GAB3: variants seen among roughly 807,000 people sequenced by gnomAD.
GAB3 encodes GRB2 associated binding protein 3.
Under a neutral mutation model 40.4 loss-of-function variants are expected in GAB3, and 12 were observed. That is an observed-to-expected ratio of 0.30 (90% confidence interval 0.19 to 0.48). The LOEUF is 0.48. Among genes scored for constraint, GAB3 ranks in the 20% least tolerant of loss-of-function variants. The pLI, the probability that GAB3 is intolerant of heterozygous loss-of-function variation, is 0.99. For synonymous variants in GAB3, 154 were observed against 176.7 expected (o/e 0.87, Z 1.02); for missense variants, 381 against 461.9 (o/e 0.82, Z 1.61).
intron 8 of GAB3, among the ~76,000 whole-genome samples, chrX:154,688,712 T>C (rs2070498987): frequency 8.9e-6 from 1 of 111,900 alleles, no homozygotes; most frequent in African/African-American, 3.2e-5. Flanking sequence ...GGATGGCAAG[T>C]AAACACACCA....
At chrX:154,692,134 A>C (rs1367571845) in intron 8 of GAB3, among the ~76,000 whole-genome samples, 1 of 112,072 alleles carries the variant, frequency 8.9e-6, no homozygotes, top group Admixed American at 9.5e-5. Context: ...TGACGCCAAA[A>C]GCAAGGCAAT....
chrX:154,731,591 C>G (rs1219280608), intron 1 of GAB3, among the ~76,000 whole-genome samples: 4 of 111,759 alleles, frequency 3.6e-5, no homozygotes, highest in Non-Finnish European at 7.5e-5. Context: ...TGTTATGCAT[C>G]TTTTCCCACA....
Position 154,712,321 on chromosome X carries a change from C to T in GAB3, c.977G>A (p.Trp326Ter), listed in dbSNP as rs1557256248. The change falls in exon 4 of 10, where the codon TGG becomes TAG. Residue 326 changes from tryptophan to a stop codon, truncating the protein, a stop_gained. Transcript: ENST00000424127. LOFTEE classifies it high-confidence loss of function. ...CTTCTTGCTACCACTGTGTGTACTC[C>T]ACTCCTCTTGGCGCCGTTCAGACAG... The part of the protein sequence containing the change: ...SHLSERRQEE[W>*]STHSGSKKPE... 1 of 1,211,499 alleles carries T rather than the reference C, an allele frequency of 8.3e-7. No homozygotes were observed.
At chrX:154,683,116 T>C (rs1023427998) in intron 8 of GAB3, among the ~76,000 whole-genome samples, 1 of 112,694 alleles carries the variant, frequency 8.9e-6, no homozygotes, top group Admixed American at 9.4e-5. Flanking sequence ...CTGTTGCTTA[T>C]ACTTACGAGC....
chrX:154,722,765 GAGA>G (rs1467183514), intron 1 of GAB3, among the ~76,000 whole-genome samples: 5 of 112,335 alleles, frequency 4.5e-5, no homozygotes, highest in African/African-American at 6.5e-5. Context: ...TATTTATGGG[GAGA>G]AGAAGGAGGT....
rs1281520036 is a variant in GAB3, at chrX:154,694,282, G to A, written c.1530+1635C>T. Among the ~76,000 whole-genome samples, 4 of 111,918 alleles carry A rather than the reference G, an allele frequency of 3.6e-5. No individual in the cohort carries two copies. The Admixed American group carries it at 3.8e-4, about 11-fold the overall frequency. ...CAGTGTTCTGGGTTCTTAATCTGCT[G>A]TGTCATGTTGCCTACTAATACACAG... is the stretch of plus-strand genomic sequence containing the variant. On this transcript the variant is annotated intron_variant, in intron 8 of 9. Coordinates refer to ENST00000424127, the MANE Select transcript of GAB3 (RefSeq NM_001081573.3).
chrX:154,714,270 A>G (rs2071010376), intron 2 of GAB3, among the ~76,000 whole-genome samples: 1 of 111,911 alleles, frequency 8.9e-6, no homozygotes, highest in South Asian at 3.7e-4. Context: ...AACTAGGTTC[A>G]AGTCCAGGCT....
chrX:154,730,486 T>C (rs1190936249), intron 1 of GAB3, among the ~76,000 whole-genome samples: 1 of 111,897 alleles, frequency 8.9e-6, no homozygotes, highest in Non-Finnish European at 1.9e-5. Flanking sequence ...GGTAACAACT[T>C]AGAGATTTTT....
chrX:154,740,737 T>G (rs1364911965), intron 1 of GAB3, among the ~76,000 whole-genome samples: 1 of 111,928 alleles, frequency 8.9e-6, no homozygotes, highest in Non-Finnish European at 1.9e-5. Context: ...GTCCCTGGCC[T>G]TCCTCTTCAC....
chrX:154,748,302 A>G (rs1348094944), intron 1 of GAB3, among the ~76,000 whole-genome samples: 3 of 111,560 alleles, frequency 2.7e-5, no homozygotes, highest in African/African-American at 9.8e-5. Context: ...GCAAAAAGAA[A>G]ATTATATATT....
chrX:154,707,978 T>C (rs1263187693), intron 4 of GAB3, among the ~76,000 whole-genome samples: 2 of 111,929 alleles, frequency 1.8e-5, no homozygotes, highest in Non-Finnish European at 3.8e-5. Context: ...TAAAACATTA[T>C]ATACACAAAT....
At chrX:154,746,104 C>T (rs1390947205) in intron 1 of GAB3, among the ~76,000 whole-genome samples, 1 of 108,887 alleles carries the variant, frequency 9.2e-6, no homozygotes, top group African/African-American at 3.3e-5. Flanking sequence ...TGATAGCCTT[C>T]CCAAAAAGAA....
intron 4 of GAB3, among the ~76,000 whole-genome samples, chrX:154,709,439 G>C (rs1006896170): frequency 1.1e-4 from 12 of 107,738 alleles, no homozygotes; most frequent in Admixed American, 6.0e-4. Context: ...TCCTGCCTCA[G>C]CCTCCCGAGT....
chrX:154,691,979 T>C (rs1242361784), intron 8 of GAB3, among the ~76,000 whole-genome samples: 5 of 111,769 alleles, frequency 4.5e-5, no homozygotes, highest in Non-Finnish European at 7.5e-5. Flanking sequence ...AAGAATGACG[T>C]TGGCCTCTAA....
intron 1 of GAB3, among the ~76,000 whole-genome samples, chrX:154,721,703 A>G (rs1397017592): frequency 8.9e-6 from 1 of 112,627 alleles, no homozygotes; most frequent in Non-Finnish European, 1.9e-5. Flanking sequence ...AATGAAAACC[A>G]CAATGAGATA....
At chrX:154,694,349 C>T (rs1173273821) in intron 8 of GAB3, among the ~76,000 whole-genome samples, 3 of 110,141 alleles carry the variant, frequency 2.7e-5, no homozygotes, top group Admixed American at 9.6e-5. Flanking sequence ...GGTAAACAAA[C>T]GATTCTTAGC....
chrX:154,711,029 G>A (rs1212115579), intron 4 of GAB3, among the ~76,000 whole-genome samples: 1 of 111,858 alleles, frequency 8.9e-6, no homozygotes, highest in Non-Finnish European at 1.9e-5. Flanking sequence ...ATTTCATAAG[G>A]ACTGTCAAAA....
At chrX:154,741,757 A>G (rs2071446043) in intron 1 of GAB3, among the ~76,000 whole-genome samples, 1 of 110,930 alleles carries the variant, frequency 9.0e-6, no homozygotes, top group Non-Finnish European at 1.9e-5. Context: ...GCCTCAGGAA[A>G]TGTACAATCA....
chrX:154,690,120 A>T (rs1314068101), intron 8 of GAB3, among the ~76,000 whole-genome samples: 3 of 108,712 alleles, frequency 2.8e-5, no homozygotes, highest in African/African-American at 1.0e-4. Context: ...CCGCATATCT[A>T]CAACTATCTG....
Sources: gnomAD v4.1 joint callset for allele counts (sites outside exome capture counted in the v4.1 genomes callset) on GRCh38, gnomAD v4.1.1 for gene constraint, MANE v1.5 for transcripts, NCBI Gene and HGNC (gene_info 2026-07-23, HGNC 2026-07-21) for gene names.